The following NRXN1 variants were observed in gnomAD, a reference collection of about 807,000 sequenced individuals.
The protein encoded by NRXN1 is neurexin-1.
Under a neutral mutation model 150.9 loss-of-function variants are expected in NRXN1, and 39 were observed. The ratio of observed to expected loss-of-function variants is 0.26; its 90% CI spans 0.20 to 0.34. The LOEUF (loss-of-function observed/expected upper bound fraction) is 0.34, where lower values mean the gene tolerates loss of function less well. Ranked by LOEUF, NRXN1 falls within the 10% of genes least tolerant of loss-of-function variation. The probability of loss-of-function intolerance (pLI) is 1.00; values close to 1 mark genes in which losing one functional copy is unlikely to be tolerated. For synonymous variants in NRXN1, 924 were observed against 757.0 expected, an observed-to-expected ratio of 1.22 and a Z score of -3.62; for missense variants, 1,815 against 1,949.9, an observed-to-expected ratio of 0.93 and a Z score of 1.30.
At chr2:50,529,359 G>T (rs1488109949) in intron 11 of NRXN1, among the ~76,000 whole-genome samples, 1 of 152,146 alleles carries the variant, frequency 6.6e-6, no homozygotes, top group South Asian at 2.1e-4. Flanking sequence ...TTATCTCTGT[G>T]TAATAAGTGT....
intron 17 of NRXN1, among the ~76,000 whole-genome samples, chr2:50,357,781 C>G (rs973294713): frequency 1.3e-5 from 2 of 152,164 alleles, no homozygotes; most frequent in African/African-American, 4.8e-5. Context: ...ACACTGGATT[C>G]CCAGGCAAGA....
intron 6 of NRXN1, among the ~76,000 whole-genome samples, 184 bp from the exon 7 acceptor site, chr2:50,621,433 C>A (rs545157864): frequency 6.6e-6 from 1 of 151,928 alleles, no homozygotes; most frequent in African/African-American, 2.4e-5. Flanking sequence ...AGAAAAAGGG[C>A]AAAAAAATTT....
intron 5 of NRXN1, among the ~76,000 whole-genome samples, chr2:50,685,869 A>G (rs1318182552): frequency 6.6e-6 from 1 of 152,118 alleles, no homozygotes; most frequent in African/African-American, 2.4e-5. Context: ...CCTGTTTCCA[A>G]TATCATCAGA....
Position 50,141,022 on chromosome 2 carries a change from C to G in NRXN1, c.3547-49528G>C, listed in dbSNP as rs549722222. Among the ~76,000 whole-genome samples the G allele has an allele frequency of 2.0e-4, 30 of 151,908 alleles. No homozygotes were observed. The East Asian group carries it at 5.8e-3, about 29-fold the overall frequency. On this transcript the variant is annotated intron_variant, in intron 18 of 22. Transcript: ENST00000401669. ...AGATTGACAAGCTGGCTTATTAATA[C>G]TAGGTGTAGATATTTTGAAAGAGAT...
intron 17 of NRXN1, among the ~76,000 whole-genome samples, chr2:50,293,301 A>T (rs2073165700): frequency 6.6e-6 from 1 of 152,030 alleles, no homozygotes; most frequent in Admixed American, 6.6e-5. Flanking sequence ...ATATAGTTAT[A>T]TACACCAGTG....
intron 5 of NRXN1, among the ~76,000 whole-genome samples, chr2:50,653,976 C>CTT (rs35931647): frequency 0.012 from 1,522 of 127,370 alleles, 21 homozygotes; most frequent in Non-Finnish European, 0.015. Flanking sequence ...GCCTTTTCAT[C>CTT]TTTTTTTTTT....
chr2:50,513,737 C>A, intron 12 of NRXN1, among the ~76,000 whole-genome samples: 1 of 151,802 alleles, frequency 6.6e-6, no homozygotes, highest in South Asian at 2.1e-4. Flanking sequence ...GCAATGGAAG[C>A]AAAGACCTCT....
intron 18 of NRXN1, among the ~76,000 whole-genome samples, chr2:50,114,763 G>C (rs894383321): frequency 6.6e-6 from 1 of 151,976 alleles, no homozygotes; most frequent in Non-Finnish European, 1.5e-5. Flanking sequence ...ACTAATCTGA[G>C]AAGCCTACAC....
chr2:50,102,783 G>A (rs1006240677), intron 18 of NRXN1, among the ~76,000 whole-genome samples: 5 of 152,010 alleles, frequency 3.3e-5, no homozygotes, highest in Admixed American at 3.3e-4. Flanking sequence ...GGGAGGGATT[G>A]TACAAAGACA....
chr2:50,731,528 C>A (rs1007836821), intron 5 of NRXN1, among the ~76,000 whole-genome samples: 4 of 151,944 alleles, frequency 2.6e-5, no homozygotes, highest in Admixed American at 1.3e-4. Context: ...CTTATTGAGA[C>A]CTTGGCAAGA....
chr2:50,874,515 T>C lies in NRXN1; in HGVS notation c.832+47354A>G, dbSNP rs568157944. ...TAAATTAACTTTGAAATCGTTTTAC[T>C]GTTAGCATCACGTTTTGAGAATAAT... On this transcript the variant is annotated intron_variant, in intron 5 of 22. Coordinates refer to ENST00000401669, the MANE Select transcript of NRXN1 (RefSeq NM_001330078.2). Among the ~76,000 whole-genome samples, 9 of 151,998 alleles carry C rather than the reference T, an allele frequency of 5.9e-5. No homozygotes were observed. The East Asian group carries it at 1.2e-3, about 20-fold the overall frequency.
At chr2:50,352,302 C>A (rs1349199452) in intron 17 of NRXN1, among the ~76,000 whole-genome samples, 1 of 152,030 alleles carries the variant, frequency 6.6e-6, no homozygotes, top group Non-Finnish European at 1.5e-5. Flanking sequence ...CAAGTTATTT[C>A]TTCATATTAC....
intron 18 of NRXN1, among the ~76,000 whole-genome samples, chr2:50,152,284 G>C (rs1185277967): frequency 4.6e-5 from 7 of 151,586 alleles, no homozygotes; most frequent in African/African-American, 1.7e-4. Flanking sequence ...TATATAAGTA[G>C]AATCATACAG....
At chr2:50,038,136 T>C (rs1690334071) in intron 21 of NRXN1, among the ~76,000 whole-genome samples, 2 of 152,224 alleles carry the variant, frequency 1.3e-5, no homozygotes, top group Admixed American at 1.3e-4. Flanking sequence ...GTAGATAGTC[T>C]GGAAGGAGAT....
intron 21 of NRXN1, among the ~76,000 whole-genome samples, chr2:50,008,033 G>C (rs1294661302): frequency 6.6e-6 from 1 of 152,150 alleles, no homozygotes. Context: ...TTAACAACAT[G>C]ATGACAAAAT....
chr2:50,551,026 G>T (rs1481249160), intron 9 of NRXN1, among the ~76,000 whole-genome samples: 1 of 95,432 alleles, frequency 1.0e-5, no homozygotes. Flanking sequence ...AAGAGGAAGA[G>T]GAAGAGGAAG....
At chr2:50,318,711 C>T (rs901174898) in intron 17 of NRXN1, among the ~76,000 whole-genome samples, 17 of 151,954 alleles carry the variant, frequency 1.1e-4, no homozygotes, top group Admixed American at 2.0e-4. Context: ...CAAAAACAGG[C>T]AAAAGTAAAC....
At chr2:50,698,483 A>T (rs1245522427) in intron 5 of NRXN1, among the ~76,000 whole-genome samples, 3 of 152,244 alleles carry the variant, frequency 2.0e-5, no homozygotes, top group African/African-American at 7.2e-5. Context: ...ATTATTTTTC[A>T]TAAAAGTACA....
At chr2:50,292,810 A>G (rs2073093841) in intron 17 of NRXN1, among the ~76,000 whole-genome samples, 1 of 152,178 alleles carries the variant, frequency 6.6e-6, no homozygotes, top group South Asian at 2.1e-4. Context: ...ATTATCTTTT[A>G]AACAATCTCA....
Sources: gnomAD v4.1 joint callset for allele counts (sites outside exome capture counted in the v4.1 genomes callset) on GRCh38, gnomAD v4.1.1 for gene constraint, MANE v1.5 for transcripts, NCBI Gene and HGNC (gene_info 2026-07-23, HGNC 2026-07-21) for gene names.